SIAE: variants seen among roughly 807,000 people sequenced by gnomAD.
SIAE encodes sialate O-acetylesterase.
Under a neutral mutation model 52.6 loss-of-function variants are expected in SIAE, and 39 were observed. The ratio of observed to expected loss-of-function variants is 0.74; its 90% CI spans 0.57 to 0.97. The LOEUF is 0.97. SIAE is among the 50% of genes least tolerant of loss of function. The pLI is 0.00. For missense variants in SIAE, 592 were observed against 662.1 expected (o/e 0.89, Z 1.16); for synonymous variants, 233 against 241.4 (o/e 0.97, Z 0.32).
intron 3 of SIAE, among the ~76,000 whole-genome samples, chr11:124,657,478 T>G (rs1313859676): frequency 6.6e-6 from 1 of 152,228 alleles, no homozygotes; most frequent in Non-Finnish European, 1.5e-5. Flanking sequence ...AAGTGCTTCA[T>G]CACAGTGAGA....
chr11:124,638,823 C>T (rs1942795782), intron 8 of SIAE, 86 bp from the exon 9 acceptor site: 3 of 1,062,500 alleles, frequency 2.8e-6, no homozygotes, highest in Non-Finnish European at 4.3e-6. Flanking sequence ...TACAAAGCAC[C>T]CTTTATGAAA....
upstream of SIAE, chr11:124,675,986 T>C (rs1198984738): frequency 1.3e-5 from 2 of 152,386 alleles, no homozygotes. Context: ...AGGTAATTTA[T>C]ATTCTTTATG....
intron 7 of SIAE, among the ~76,000 whole-genome samples, chr11:124,643,558 G>A (rs1230616281): frequency 6.6e-6 from 1 of 152,138 alleles, no homozygotes; most frequent in Non-Finnish European, 1.5e-5. Context: ...TGAATGCAGA[G>A]TGAGTTAACA....
At chr11:124,669,742 A>C in intron 1 of SIAE, 1 of 537,638 alleles carries the variant, frequency 1.9e-6, no homozygotes, top group Non-Finnish European at 3.4e-6. Context: ...ATGACCACTA[A>C]GGAAAATTCC....
chr11:124,639,560 G>A, intron 8 of SIAE, 150 bp downstream of exon 8: 1 of 907,860 alleles, frequency 1.1e-6, no homozygotes, highest in South Asian at 1.3e-5. Flanking sequence ...GAGATGTTGA[G>A]GGTGTTTGCT....
Position 124,639,764 on chromosome 11 carries a change from T to C in SIAE, c.1070A>G (p.Asn357Ser), listed in dbSNP as rs144430729. The C allele has an allele frequency of 6.8e-6, 11 of 1,614,090 alleles. No homozygotes were observed. The highest frequency in any genetic ancestry group is 4.4e-5 in the South Asian group (4 of 91,090). ...ATCCATAGCTACAGCCATGAAAGTA[T>C]TGGGCATCTTTGGGTTGGGGACATA... ...FGYVPNPKMP[N>S]TFMAVAMDLC... The change falls in exon 8 of 10, where the codon AAT (asparagine) becomes AGT (serine). Residue 357 changes from asparagine to serine, a missense_variant. Transcript: ENST00000263593.
upstream of SIAE, chr11:124,675,284 A>G (rs769645484): frequency 2.5e-6 from 4 of 1,613,740 alleles, no homozygotes; most frequent in East Asian, 2.2e-5. Flanking sequence ...CCATTCTCCA[A>G]CACCCACTAC....
At chr11:124,648,307 C>T (rs911283287) in intron 5 of SIAE, 132 bp from the exon 6 acceptor site, 29 of 702,954 alleles carry the variant, frequency 4.1e-5, no homozygotes, top group African/African-American at 2.8e-4. Context: ...AAAATTGAAT[C>T]GAAACTCTTT....
intron 3 of SIAE, among the ~76,000 whole-genome samples, chr11:124,656,475 A>G (rs1054868259): frequency 1.3e-5 from 2 of 152,098 alleles, no homozygotes; most frequent in African/African-American, 4.8e-5. Flanking sequence ...GATAAATCAT[A>G]TTTTCCCAAA....
At position 124,647,435 on chromosome 11, in the gene SIAE, T is replaced by C. The variant is rs1274742422; in HGVS notation, c.896A>G (p.Asp299Gly). 3.7e-6 allele frequency: 6 copies of C among 1,614,160 alleles called. No homozygotes were observed. Among genetic ancestry groups the C allele is most frequent in the South Asian group, 2.2e-5 (2 of 91,074 alleles). ...YNCTFPALIEDWRETFHRGSQ... is the reference protein window; with the variant it reads ...YNCTFPALIEGWRETFHRGSQ... Reference sequence around the variant, plus strand: ...ACCACGGTGGAAGGTTTCACGCCAGTCTTCGATGAGTGCAGGGAATGTGCA... The same window carrying C: ...ACCACGGTGGAAGGTTTCACGCCAGCCTTCGATGAGTGCAGGGAATGTGCA... Residue 299 changes from aspartate to glycine, a missense_variant, in exon 7 of 10, where the codon GAC becomes GGC. Asp to Gly is a moderately conservative substitution (Grantham distance 94, BLOSUM62 -1). Transcript: ENST00000263593.
At chr11:124,660,022 G>A (rs1374551086) in intron 3 of SIAE, 1 of 159,558 alleles carries the variant, frequency 6.3e-6, no homozygotes, top group East Asian at 1.8e-4. Context: ...GGGCTCAGTA[G>A]CTCAGGCCTG....
chr11:124,643,771 T>C (rs935678212), intron 7 of SIAE, among the ~76,000 whole-genome samples: 6 of 152,182 alleles, frequency 3.9e-5, no homozygotes, highest in Admixed American at 1.3e-4. Flanking sequence ...ATGAGAGGCA[T>C]CAACCTATTA....
rs550971606 is a variant in SIAE at position 124,660,303 on chromosome 11, A to G, written c.405+325T>C. Reference sequence around the variant, plus strand: ...GAAACTCCGTCTCAAAAAAGAAAAAAAAAAAAAAGCAAGAAAATAAAAATC... The same window carrying G: ...GAAACTCCGTCTCAAAAAAGAAAAAGAAAAAAAAGCAAGAAAATAAAAATC... On this transcript the variant is annotated intron_variant, in intron 3 of 9. Coordinates refer to ENST00000263593, the MANE Select transcript of SIAE (RefSeq NM_170601.5). The G allele has an allele frequency of 7.9e-5, 27 of 340,902 alleles. 1 individual carries two copies. Among genetic ancestry groups the G allele is most frequent in the African/African-American group, 4.8e-4 (22 of 46,084 alleles). 21.1% of individuals were successfully genotyped at this position (340,902 alleles called of 1,614,324 possible). A position where few individuals can be genotyped will look rare whatever the true frequency, so the allele number is the denominator to read the frequency against.
At chr11:124,662,954 G>A (rs937840269) in intron 2 of SIAE, among the ~76,000 whole-genome samples, 1 of 151,854 alleles carries the variant, frequency 6.6e-6, no homozygotes, top group African/African-American at 2.4e-5. Flanking sequence ...AGAACAGCCT[G>A]GCCAACATGG....
At chr11:124,665,350 T>C (rs11219753) in intron 2 of SIAE, among the ~76,000 whole-genome samples, 3,756 of 152,290 alleles carry the variant, frequency 0.025, 134 homozygotes, top group African/African-American at 0.079. Context: ...GCATACATAA[T>C]AAGGTGAGCT....
intron 5 of SIAE, among the ~76,000 whole-genome samples, chr11:124,649,323 T>C (rs1942983717): frequency 6.7e-6 from 1 of 150,358 alleles, no homozygotes; most frequent in South Asian, 2.1e-4. Flanking sequence ...ATTCAATATA[T>C]TCATAATTTA....
At chr11:124,667,599 G>T (rs117235655) in intron 2 of SIAE, among the ~76,000 whole-genome samples, 328 of 152,240 alleles carry the variant, frequency 2.2e-3, no homozygotes, top group Non-Finnish European at 4.0e-3. Flanking sequence ...ATTCCCACAA[G>T]CATCCCTGTC....
At position 124,658,240 on chromosome 11, in the gene SIAE, G is replaced by GCA. The variant is rs10643725; in HGVS notation, c.405+2386_405+2387dup. 6.6e-3 allele frequency among the ~76,000 whole-genome samples: 952 copies of GCA among 145,224 alleles called. 3 individuals carry two copies. Among genetic ancestry groups the GCA allele is most frequent in the African/African-American group, 0.015 (593 of 39,942 alleles). ...AGCATGCGTGTGAGTGTGTGTCTGT[G>GCA]CACACACACACACACACACACAGAA... On this transcript the variant is annotated intron_variant, in intron 3 of 9. Transcript: ENST00000263593.
At position 124,639,725 on chromosome 11, in the gene SIAE, T is replaced by C. The variant is rs763388631; in HGVS notation, c.1109A>G (p.Asp370Gly). The C allele has an allele frequency of 4.3e-6, 7 of 1,613,866 alleles. No individual in the cohort carries two copies. The highest frequency in any genetic ancestry group is 5.1e-6 in the Non-Finnish European group (6 of 1,179,918). ...GCAATCATACCTGCCAAAAGGCGAG[T>C]CTCTATCACAGAGATCCATAGCTAC... is the stretch of plus-strand genomic sequence containing the variant. The part of the protein sequence containing the change: ...MAVAMDLCDR[D>G]SPFGSIHPRD... The change falls in exon 8 of 10, where the codon GAC becomes GGC. Residue 370 changes from aspartate (D) to glycine (G), a missense_variant. Physicochemically the swap from Asp to Gly is moderately conservative, Grantham distance 94 (BLOSUM62 -1). Transcript: ENST00000263593.
Sources: gnomAD v4.1 joint callset for allele counts (sites outside exome capture counted in the v4.1 genomes callset) on GRCh38, gnomAD v4.1.1 for gene constraint, MANE v1.5 for transcripts, NCBI Gene and HGNC (gene_info 2026-07-23, HGNC 2026-07-21) for gene names.